RAPGEF2: variants seen among roughly 807,000 people sequenced by gnomAD.
RAPGEF2 encodes the protein PDZ domain containing guanine nucleotide exchange factor (GEF) 1.
A neutral mutation model predicts 186.7 loss-of-function variants in RAPGEF2; 54 were observed. That is an observed-to-expected ratio of 0.29 (90% CI 0.23 to 0.36). RAPGEF2 has a LOEUF of 0.36. Ranked by LOEUF, RAPGEF2 falls within the 10% of genes least tolerant of loss-of-function variation. The pLI is 1.00. For synonymous variants in RAPGEF2, 712 were observed against 705.9 expected, an observed-to-expected ratio of 1.01 and a Z score of -0.14; for missense variants, 1,532 against 2,045.0, an observed-to-expected ratio of 0.75 and a Z score of 4.84.
intron 1 of RAPGEF2, among the ~76,000 whole-genome samples, chr4:159,145,064 A>G (rs1278888410): frequency 6.6e-6 from 1 of 151,554 alleles, no homozygotes; most frequent in Non-Finnish European, 1.5e-5. Context: ...AGTTTTTGGT[A>G]TAGACAGGAT....
At chr4:159,250,437 T>G (rs1755175460) in intron 7 of RAPGEF2, among the ~76,000 whole-genome samples, 1 of 152,146 alleles carries the variant, frequency 6.6e-6, no homozygotes, top group Admixed American at 6.5e-5. Flanking sequence ...ATCTGTAATA[T>G]GAATTGCTGA....
intron 1 of RAPGEF2, among the ~76,000 whole-genome samples, chr4:159,137,741 A>G (rs1171663347): frequency 1.4e-5 from 2 of 146,136 alleles, no homozygotes; most frequent in Non-Finnish European, 3.0e-5. Context: ...CAAAGATTTA[A>G]ACTTACTGGG....
intron 1 of RAPGEF2, among the ~76,000 whole-genome samples, chr4:159,160,106 T>G (rs1389320779): frequency 6.6e-6 from 1 of 152,250 alleles, no homozygotes; most frequent in Admixed American, 6.5e-5. Flanking sequence ...TTGTTCAACA[T>G]TTCTAGTTGT....
intron 7 of RAPGEF2, 93 bp from the exon 8 acceptor site, chr4:159,304,249 G>A (rs747250437): frequency 2.9e-5 from 35 of 1,199,634 alleles, no homozygotes; most frequent in Non-Finnish European, 4.0e-5. Flanking sequence ...TAGTTCAATG[G>A]TATAGAATAA....
intron 10 of RAPGEF2, 58 bp from the exon 11 acceptor site, chr4:159,323,401 C>CT: frequency 7.2e-7 from 1 of 1,398,592 alleles, no homozygotes. Context: ...CATACTGGCA[C>CT]TTACAGCTGT....
Position 159,206,838 on chromosome 4 carries a change from A to G in RAPGEF2, c.198-3662A>G, listed in dbSNP as rs185103728. ...ATAACAGGAACTAAACATGAATTCT[A>G]TGGGGGATGGATAGGAGGAGAGGAG... On this transcript the variant is annotated intron_variant, in intron 3 of 29. Transcript: ENST00000691494. 6.3e-3 allele frequency among the ~76,000 whole-genome samples: 963 copies of G among 152,346 alleles called. 5 individuals are homozygous for G. Among genetic ancestry groups the G allele is most frequent in the Middle Eastern group, 0.01 (3 of 294 alleles).
intron 4 of RAPGEF2, among the ~76,000 whole-genome samples, chr4:159,238,178 C>T (rs1165453583): frequency 6.6e-6 from 1 of 152,110 alleles, no homozygotes; most frequent in African/African-American, 2.4e-5. Flanking sequence ...TGGGAATTCA[C>T]CACAGATAAG....
intron 4 of RAPGEF2, among the ~76,000 whole-genome samples, chr4:159,236,965 A>G (rs987455461): frequency 4.6e-5 from 7 of 152,232 alleles, no homozygotes; most frequent in African/African-American, 7.2e-5. Flanking sequence ...ATATATGAAT[A>G]TCAAAAAATT....
intron 1 of RAPGEF2, among the ~76,000 whole-genome samples, chr4:159,142,264 T>TA (rs1742434051): frequency 6.6e-6 from 1 of 152,218 alleles, no homozygotes; most frequent in Non-Finnish European, 1.5e-5. Context: ...TTAATGGATT[T>TA]ATAGCTTTGT....
At chr4:159,273,792 A>G (rs1393209780) in intron 7 of RAPGEF2, among the ~76,000 whole-genome samples, 3 of 151,576 alleles carry the variant, frequency 2.0e-5, no homozygotes, top group African/African-American at 4.8e-5. Context: ...ATAACCTGAC[A>G]TTTCTTTCTC....
intron 3 of RAPGEF2, among the ~76,000 whole-genome samples, chr4:159,207,223 C>G (rs1466768432): frequency 1.3e-5 from 2 of 152,230 alleles, no homozygotes; most frequent in African/African-American, 4.8e-5. Flanking sequence ...CTTACCTTCA[C>G]ATCCTCAAAT....
chr4:159,233,838 C>T (rs1168369619), intron 4 of RAPGEF2, among the ~76,000 whole-genome samples: 1 of 151,750 alleles, frequency 6.6e-6, no homozygotes, highest in Admixed American at 6.6e-5. Flanking sequence ...ATCAATTGAC[C>T]ATTGATGTAT....
chr4:159,181,789 G>C (rs540174799), intron 1 of RAPGEF2, among the ~76,000 whole-genome samples: 1 of 152,040 alleles, frequency 6.6e-6, no homozygotes, highest in Non-Finnish European at 1.5e-5. Context: ...CACCCGCCTC[G>C]GCCTCCCAGA....
chr4:159,267,885 G>A, intron 7 of RAPGEF2: 1 of 1,139,636 alleles, frequency 8.8e-7, no homozygotes. Context: ...AGCTGTGTGA[G>A]GTTTTCTCAG....
At chr4:159,286,669 C>T (rs566078547) in intron 7 of RAPGEF2, among the ~76,000 whole-genome samples, 1 of 152,272 alleles carries the variant, frequency 6.6e-6, no homozygotes, top group South Asian at 2.1e-4. Flanking sequence ...TCCCTTTGTA[C>T]ATTTAACAGA....
chr4:159,275,083 G>A (rs1485596176), intron 7 of RAPGEF2, among the ~76,000 whole-genome samples: 1 of 151,428 alleles, frequency 6.6e-6, no homozygotes, highest in Admixed American at 6.6e-5. Flanking sequence ...GTGTGTGTGT[G>A]TGTGTGTGTG....
chr4:159,268,062 TTTTTC>T, intron 7 of RAPGEF2: 1 of 1,490,770 alleles, frequency 6.7e-7, no homozygotes, highest in South Asian at 1.3e-5. Flanking sequence ...TTTTTTTTCC[TTTTTC>T]TTTTAATTTA....
chr4:159,183,323 G>A (rs1747214542), intron 1 of RAPGEF2, among the ~76,000 whole-genome samples: 1 of 152,214 alleles, frequency 6.6e-6, no homozygotes, highest in South Asian at 2.1e-4. Context: ...ATGTGGTAAA[G>A]AATAGTCTTT....
chr4:159,134,079 G>C (rs1045350423), intron 1 of RAPGEF2, among the ~76,000 whole-genome samples: 4 of 152,194 alleles, frequency 2.6e-5, no homozygotes, highest in Non-Finnish European at 4.4e-5. Context: ...TCAAAATTAA[G>C]ACATTTTCAT....
Sources: allele counts gnomAD v4.1 joint callset (sites outside exome capture counted in the v4.1 genomes callset), GRCh38; gene constraint gnomAD v4.1.1; transcripts MANE v1.5; gene names NCBI Gene and HGNC (gene_info 2026-07-23, HGNC 2026-07-21).